The following R3HDM2 variants were observed in gnomAD, a reference collection of about 807,000 sequenced individuals.
The protein encoded by R3HDM2 is R3H domain-containing protein 2.
A neutral mutation model predicts 124.5 loss-of-function variants in R3HDM2; 38 were observed. The observed-to-expected ratio is 0.31, with a 90% confidence interval of 0.24 to 0.40. R3HDM2 has a LOEUF of 0.40. R3HDM2 is among the 10% of genes least tolerant of loss of function. The pLI is 1.00. For synonymous variants in R3HDM2, 391 were observed against 448.0 expected, an observed-to-expected ratio of 0.87 and a Z score of 1.61; for missense variants, 869 against 1,236.9, an observed-to-expected ratio of 0.70 and a Z score of 4.46.
chr12:57,264,726 G>A (rs2041889311), intron 19 of R3HDM2, among the ~76,000 whole-genome samples: 1 of 150,960 alleles, frequency 6.6e-6, no homozygotes, highest in South Asian at 2.1e-4. Context: ...TCAAACACCT[G>A]GGCTCAAGTG....
intron 1 of R3HDM2, 92 bp downstream of exon 1, chr12:57,430,628 G>C (rs1162288357): frequency 2.0e-6 from 2 of 981,936 alleles, no homozygotes; most frequent in Non-Finnish European, 2.4e-6. Flanking sequence ...CCCAGGCCGC[G>C]GGGCCTCCTC....
At chr12:57,295,649 C>T in intron 9 of R3HDM2, 142 bp from the exon 10 acceptor site, 1 of 623,548 alleles carries the variant, frequency 1.6e-6, no homozygotes. Flanking sequence ...AAGTCACATG[C>T]AGGTTTTAAT....
At chr12:57,321,647 G>A (rs541507072) in intron 2 of R3HDM2, among the ~76,000 whole-genome samples, 6 of 151,858 alleles carry the variant, frequency 4.0e-5, no homozygotes, top group African/African-American at 1.2e-4. Context: ...GCGAAACTCC[G>A]TCTTGGAAAA....
At chr12:57,320,529 A>T (rs1457520544) in intron 2 of R3HDM2, among the ~76,000 whole-genome samples, 1 of 152,044 alleles carries the variant, frequency 6.6e-6, no homozygotes, top group Non-Finnish European at 1.5e-5. Flanking sequence ...CATCCAGCCA[A>T]ATAGTACAAT....
At chr12:57,352,774 G>A (rs1296334909) in intron 2 of R3HDM2, among the ~76,000 whole-genome samples, 1 of 151,998 alleles carries the variant, frequency 6.6e-6, no homozygotes, top group East Asian at 1.9e-4. Context: ...GATTACAGGC[G>A]TGAACCATGG....
chr12:57,360,340 T>C (rs1164840868), intron 2 of R3HDM2, among the ~76,000 whole-genome samples: 1 of 151,890 alleles, frequency 6.6e-6, no homozygotes, highest in Non-Finnish European at 1.5e-5. Context: ...AGTAAATACA[T>C]TGGGAATTTT....
At chr12:57,402,872 C>A (rs1179331486) in intron 1 of R3HDM2, among the ~76,000 whole-genome samples, 1 of 152,114 alleles carries the variant, frequency 6.6e-6, no homozygotes, top group East Asian at 1.9e-4. Flanking sequence ...TAAGGAAATT[C>A]TTGATGTATA....
chr12:57,288,637 C>A (rs2047934924), intron 12 of R3HDM2, among the ~76,000 whole-genome samples: 1 of 152,036 alleles, frequency 6.6e-6, no homozygotes, highest in South Asian at 2.1e-4. Flanking sequence ...CCTTCACCAC[C>A]TGTTTAGGAC....
intron 23 of R3HDM2, 28 bp from the exon 24 acceptor site, chr12:57,255,141 T>C: frequency 6.5e-7 from 1 of 1,540,580 alleles, no homozygotes; most frequent in Non-Finnish European, 8.8e-7. Flanking sequence ...AGGACATGGT[T>C]GTGAGAGGAA....
intron 2 of R3HDM2, among the ~76,000 whole-genome samples, chr12:57,356,611 G>T (rs954950569): frequency 6.6e-6 from 1 of 152,200 alleles, no homozygotes; most frequent in Non-Finnish European, 1.5e-5. Context: ...GAGTTGGGAA[G>T]TGTTCCTCTA....
chr12:57,300,422 T>G (rs750769333), intron 4 of R3HDM2, among the ~76,000 whole-genome samples: 14 of 152,284 alleles, frequency 9.2e-5, no homozygotes, highest in Non-Finnish European at 2.1e-4. Flanking sequence ...CATGGACAGA[T>G]GATAGGAAAC....
intron 2 of R3HDM2, among the ~76,000 whole-genome samples, chr12:57,360,024 C>T (rs191923869): frequency 0.4 from 27,561 of 68,104 alleles, 3,383 homozygotes; most frequent in South Asian, 0.56. Flanking sequence ...TATATATATA[C>T]ACACATATAT....
intron 2 of R3HDM2, among the ~76,000 whole-genome samples, chr12:57,367,535 C>T (rs140155031): frequency 6.9e-4 from 105 of 152,282 alleles, no homozygotes; most frequent in South Asian, 3.1e-3. Context: ...TCGATTCCTA[C>T]CTCTGTCTCC....
chr12:57,303,654 C>T (rs1263328202), intron 3 of R3HDM2, among the ~76,000 whole-genome samples: 1 of 151,404 alleles, frequency 6.6e-6, no homozygotes, highest in African/African-American at 2.4e-5. Flanking sequence ...TGGTGGCATG[C>T]ACCTGTAGTC....
At chr12:57,268,895 A>T (rs748548932) in intron 17 of R3HDM2, 27 bp downstream of exon 17, 1 of 1,608,964 alleles carries the variant, frequency 6.2e-7, no homozygotes, top group Non-Finnish European at 8.5e-7. Context: ...GACTGGGGTG[A>T]TCCTTCCCAA....
chr12:57,426,523 C>A (rs2070752865), intron 1 of R3HDM2, among the ~76,000 whole-genome samples: 1 of 152,170 alleles, frequency 6.6e-6, no homozygotes, highest in Non-Finnish European at 1.5e-5. Context: ...CATCTTCAGG[C>A]TACTGAAAAC....
At chr12:57,331,271 C>T (rs1270583023) in intron 2 of R3HDM2, among the ~76,000 whole-genome samples, 1 of 152,150 alleles carries the variant, frequency 6.6e-6, no homozygotes, top group Non-Finnish European at 1.5e-5. Flanking sequence ...CCCAATGGGT[C>T]TCCATCTCAC....
intron 2 of R3HDM2, among the ~76,000 whole-genome samples, chr12:57,345,599 T>C (rs184756786): frequency 9.7e-4 from 147 of 152,008 alleles, no homozygotes; most frequent in African/African-American, 3.4e-3. Context: ...AGTGGCAGGA[T>C]TGCAGCTCAC....
rs577843276 is a variant in R3HDM2, at chr12:57,280,615, T to C, written c.1172-85A>G. On this transcript the variant is annotated intron_variant, in intron 13 of 23. Coordinates refer to ENST00000402412, the MANE Select transcript of R3HDM2 (RefSeq NM_001394031.1). ...TGGAAGCTTAGTCAGAGGGCTCTACTTTTTCTTTGCCTTTCCTCTTTATTC... is the reference window on the plus strand; with the variant it reads ...TGGAAGCTTAGTCAGAGGGCTCTACCTTTTCTTTGCCTTTCCTCTTTATTC... The C allele has an allele frequency of 2.4e-5, 31 of 1,267,940 alleles. No homozygotes were observed. The African/African-American group carries it at 4.4e-4, about 18-fold the overall frequency. 78.5% of individuals were successfully genotyped at this position (1,267,940 alleles called of 1,614,324 possible).
Sources: allele counts gnomAD v4.1 joint callset (sites outside exome capture counted in the v4.1 genomes callset), GRCh38; gene constraint gnomAD v4.1.1; transcripts MANE v1.5; gene names NCBI Gene and HGNC (gene_info 2026-07-23, HGNC 2026-07-21).